Variants in PTPN9 observed in about 807,000 individuals in gnomAD.
PTPN9 encodes the protein protein tyrosine phosphatase non-receptor type 9, also known as tyrosine-protein phosphatase non-receptor type 9.
Under a neutral mutation model 69.8 loss-of-function variants are expected in PTPN9, and 26 were observed. The ratio of observed to expected loss-of-function variants is 0.37; its 90% CI spans 0.27 to 0.52. The LOEUF is 0.52. Ranked by LOEUF, PTPN9 falls within the 20% of genes least tolerant of loss-of-function variation. The pLI is 0.91. For missense variants in PTPN9, 549 were observed against 740.3 expected, an observed-to-expected ratio of 0.74 and a Z score of 3.00; for synonymous variants, 274 against 272.5, an observed-to-expected ratio of 1.01 and a Z score of -0.05.
At chr15:75,570,066 G>A (rs1034756442) in intron 1 of PTPN9, among the ~76,000 whole-genome samples, 10 of 151,912 alleles carry the variant, frequency 6.6e-5, no homozygotes, top group Admixed American at 2.6e-4. Flanking sequence ...TGATCCACCC[G>A]CCTCGGCCTC....
chr15:75,533,255 G>A (rs2074970605), intron 1 of PTPN9, among the ~76,000 whole-genome samples: 2 of 152,124 alleles, frequency 1.3e-5, no homozygotes. Context: ...TCAGGTAAGG[G>A]TAAGATTTGT....
intron 1 of PTPN9, 43 bp downstream of exon 1, chr15:75,578,671 G>A: frequency 7.6e-7 from 1 of 1,323,500 alleles, no homozygotes. Flanking sequence ...GTAGGCCTCG[G>A]GGGCCCGGAC....
chr15:75,485,595 C>T (rs1235690632), intron 8 of PTPN9, among the ~76,000 whole-genome samples: 1 of 149,142 alleles, frequency 6.7e-6, no homozygotes, highest in East Asian at 2.0e-4. Context: ...TGGTCTTGAT[C>T]TCCTGACCTC....
At chr15:75,500,289 C>T (rs896982007) in intron 7 of PTPN9, among the ~76,000 whole-genome samples, 5 of 150,472 alleles carry the variant, frequency 3.3e-5, no homozygotes, top group African/African-American at 1.2e-4. Context: ...TCTAGCCTGG[C>T]CGAGAGTGAG....
intron 1 of PTPN9, among the ~76,000 whole-genome samples, chr15:75,560,125 G>C (rs1443631419): frequency 7.2e-6 from 1 of 138,698 alleles, no homozygotes; most frequent in African/African-American, 2.9e-5. Context: ...GGGCAACAGA[G>C]CAAGACTCCA....
intron 1 of PTPN9, among the ~76,000 whole-genome samples, chr15:75,545,177 G>C (rs542382322): frequency 6.6e-6 from 1 of 152,316 alleles, no homozygotes; most frequent in East Asian, 1.9e-4. Flanking sequence ...TGTGTCAATG[G>C]TGATGGGCTC....
At chr15:75,527,707 C>G (rs958722295) in intron 1 of PTPN9, among the ~76,000 whole-genome samples, 1 of 151,900 alleles carries the variant, frequency 6.6e-6, no homozygotes, top group Non-Finnish European at 1.5e-5. Context: ...AAATACAAAA[C>G]TAGCCGGATG....
intron 7 of PTPN9, among the ~76,000 whole-genome samples, chr15:75,494,692 C>T (rs73436868): frequency 0.61 from 92,620 of 151,700 alleles, 29,785 homozygotes; most frequent in African/African-American, 0.83. Context: ...TTTTCTTTTT[C>T]CTTCCCTGGG....
chr15:75,568,621 A>C (rs2075136415), intron 1 of PTPN9, among the ~76,000 whole-genome samples: 1 of 151,792 alleles, frequency 6.6e-6, no homozygotes, highest in South Asian at 2.1e-4. Flanking sequence ...GACTGCTTGA[A>C]CACAAGAGTT....
intron 7 of PTPN9, among the ~76,000 whole-genome samples, chr15:75,504,934 C>T (rs931886718): frequency 1.5e-4 from 23 of 152,114 alleles, no homozygotes; most frequent in Admixed American, 6.5e-5. Flanking sequence ...GCCCCTCTGC[C>T]CAGCCACCAC....
intron 8 of PTPN9, among the ~76,000 whole-genome samples, chr15:75,487,100 T>A (rs1366215839): frequency 6.6e-6 from 1 of 151,996 alleles, no homozygotes; most frequent in Non-Finnish European, 1.5e-5. Context: ...ATGCATATAT[T>A]AACTAGCTTG....
intron 1 of PTPN9, among the ~76,000 whole-genome samples, chr15:75,571,633 A>G (rs546466143): frequency 3.3e-5 from 5 of 152,194 alleles, no homozygotes; most frequent in African/African-American, 1.2e-4. Flanking sequence ...GTGGTGGCTC[A>G]CGCTTGTAAT....
Position 75,539,819 on chromosome 15 carries a change from G to A in PTPN9, c.64-12558C>T, listed in dbSNP as rs181233913. 1.9e-4 allele frequency among the ~76,000 whole-genome samples: 24 copies of A among 127,664 alleles called. No individual in the cohort carries two copies. In the South Asian group the frequency reaches 2.1e-3, roughly 11 times the overall value. 83.8% of individuals were successfully genotyped at this position (127,664 alleles called of 152,430 possible). A position where few individuals can be genotyped will look rare whatever the true frequency, so the allele number is the denominator to read the frequency against. On this transcript the variant is annotated intron_variant, in intron 1 of 12. Coordinates refer to ENST00000618819, the MANE Select transcript of PTPN9 (RefSeq NM_002833.4). ...CCTGAGTAGCTGGGATTACAGGCGC[G>A]CACCACCACGCCAGGCTAACTTTGT...
At chr15:75,495,584 G>A (rs997022734) in intron 7 of PTPN9, among the ~76,000 whole-genome samples, 4 of 152,032 alleles carry the variant, frequency 2.6e-5, no homozygotes, top group Non-Finnish European at 5.9e-5. Flanking sequence ...GGGCAAGGTG[G>A]CAGGTGCCTA....
chr15:75,548,796 G>A (rs922632248), intron 1 of PTPN9, among the ~76,000 whole-genome samples: 3 of 151,456 alleles, frequency 2.0e-5, no homozygotes, highest in African/African-American at 7.3e-5. Context: ...TGGGACTACA[G>A]GCGCCCGCCA....
chr15:75,573,229 A>T (rs971321106), intron 1 of PTPN9, among the ~76,000 whole-genome samples: 2 of 152,220 alleles, frequency 1.3e-5, no homozygotes, highest in Non-Finnish European at 2.9e-5. Context: ...TCTTATTTGC[A>T]AAGTGAGGGT....
In PTPN9 at chr15:75,468,714, G is replaced by C; in HGVS notation, c.*55C>G. On this transcript the variant is annotated 3_prime_UTR_variant, in exon 13 of 13. Transcript: ENST00000618819. ...CTGATGGCAACCTATAGGCTCAGCG[G>C]TGTCCAGGGTAGTTTAAGGAAGGCT... The C allele has an allele frequency of 6.7e-7, 1 of 1,502,252 alleles. No individual in the cohort carries two copies. Among genetic ancestry groups the C allele is most frequent in the Non-Finnish European group, 9.2e-7 (1 of 1,089,362 alleles). 93.1% of individuals were successfully genotyped at this position (1,502,252 alleles called of 1,614,324 possible). A position where few individuals can be genotyped will look rare whatever the true frequency, so the allele number is the denominator to read the frequency against.
intron 1 of PTPN9, among the ~76,000 whole-genome samples, chr15:75,527,549 GC>G (rs529840916): frequency 1.1e-4 from 16 of 152,080 alleles, no homozygotes; most frequent in Non-Finnish European, 1.8e-4. Flanking sequence ...TAAATGAGAT[GC>G]AAATTACTAG....
intron 9 of PTPN9, among the ~76,000 whole-genome samples, chr15:75,479,142 A>G (rs2074613606): frequency 6.6e-6 from 1 of 152,216 alleles, no homozygotes; most frequent in Non-Finnish European, 1.5e-5. Context: ...CCCAGTCTCT[A>G]CTAAAAATAC....
Sources: allele counts gnomAD v4.1 joint callset (sites outside exome capture counted in the v4.1 genomes callset), GRCh38; gene constraint gnomAD v4.1.1; transcripts MANE v1.5; gene names NCBI Gene and HGNC (gene_info 2026-07-23, HGNC 2026-07-21).